ACSF3: variants seen among roughly 807,000 people sequenced by gnomAD.
The protein encoded by ACSF3 is acyl-CoA synthetase family member 3.
In ACSF3, 78 loss-of-function variants were observed where a neutral mutation model predicts 53.2. That is an observed-to-expected ratio of 1.47 (90% CI 1.22 to 1.77). ACSF3 has a LOEUF of 1.77. Ranked by LOEUF, ACSF3 falls within the 40% of genes most tolerant of loss-of-function variation. ACSF3 has a pLI of 0.00. For synonymous variants in ACSF3, 414 were observed against 333.1 expected, an observed-to-expected ratio of 1.24 and a Z score of -2.65; for missense variants, 937 against 771.1, an observed-to-expected ratio of 1.22 and a Z score of -2.55.
In ACSF3 at chr16:89,136,769, C is replaced by T. The variant is rs765889056; in HGVS notation, c.1366+3507C>T. ...CCGCTTCTGCCTCAAGATCACACAG[C>T]GGGCTTGTGAGGCCAGGGGTCTCCG... On this transcript the variant is annotated intron_variant, in intron 8 of 10. Transcript: ENST00000614302. 4.6e-5 allele frequency: 59 copies of T among 1,287,160 alleles called. No homozygotes were observed. The African/African-American group carries it at 6.1e-4, about 13-fold the overall frequency. The allele number at this position is 1,287,160 out of a possible 1,614,324, so 79.7% of individuals were successfully genotyped here. A position where few individuals can be genotyped will look rare whatever the true frequency, so the allele number is the denominator to read the frequency against.
intron 1 of ACSF3, among the ~76,000 whole-genome samples, 155 bp from the exon 2 acceptor site, chr16:89,098,436 G>C (rs4782462): frequency 5.9e-5 from 9 of 151,864 alleles, no homozygotes; most frequent in African/African-American, 2.2e-4. Flanking sequence ...ACTGCTGCCC[G>C]TTGTCGGGAG....
chr16:89,133,114 C>G, intron 7 of ACSF3, 22 bp from the exon 8 acceptor site: 1 of 1,613,166 alleles, frequency 6.2e-7, no homozygotes, highest in Non-Finnish European at 8.5e-7. Flanking sequence ...GCTCTGACCT[C>G]CATGTTCTTC....
At chr16:89,121,091 C>T (rs958804250) in intron 7 of ACSF3, among the ~76,000 whole-genome samples, 178 bp downstream of exon 7, 9 of 152,358 alleles carry the variant, frequency 5.9e-5, no homozygotes, top group Middle Eastern at 6.8e-3. Context: ...GTTCTGGGCC[C>T]TGCCTGCTGC....
intron 4 of ACSF3, among the ~76,000 whole-genome samples, chr16:89,108,279 G>T (rs993883372): frequency 1.3e-5 from 2 of 152,108 alleles, no homozygotes; most frequent in Non-Finnish European, 2.9e-5. Context: ...TCCTCTTCTG[G>T]TGCCTTCATT....
chr16:89,146,597 A>G (rs1019292957), intron 10 of ACSF3, among the ~76,000 whole-genome samples: 3 of 152,278 alleles, frequency 2.0e-5, no homozygotes, highest in Non-Finnish European at 2.9e-5. Context: ...ACCTCCAGTC[A>G]GTTCCACGGA....
rs1028986665 is a variant in ACSF3 at position 89,156,055 on chromosome 16, A to G, written c.*1848A>G. Reference sequence around the variant, plus strand: ...GACATGCGGTTGAATGCCGTGTTCTAAAGTCACGAGTGACTCTCCAGCTGG... The same window carrying G: ...GACATGCGGTTGAATGCCGTGTTCTGAAGTCACGAGTGACTCTCCAGCTGG... On this transcript the variant is annotated 3_prime_UTR_variant, in exon 11 of 11. Coordinates refer to ENST00000614302, the MANE Select transcript of ACSF3 (RefSeq NM_001243279.3). Among the ~76,000 whole-genome samples the G allele has an allele frequency of 6.6e-6, 1 of 152,146 alleles. No individual in the cohort carries two copies. Among genetic ancestry groups the G allele is most frequent in the Non-Finnish European group, 1.5e-5 (1 of 68,018 alleles).
At chr16:89,097,456 C>A (rs748330717) in intron 1 of ACSF3, among the ~76,000 whole-genome samples, 2 of 152,250 alleles carry the variant, frequency 1.3e-5, no homozygotes, top group Non-Finnish European at 2.9e-5. Flanking sequence ...CCCTGTGGCT[C>A]TCAGCAGCGG....
At chr16:89,132,620 C>G (rs1486034251) in intron 7 of ACSF3, among the ~76,000 whole-genome samples, 1 of 152,284 alleles carries the variant, frequency 6.6e-6, no homozygotes, top group African/African-American at 2.4e-5. Flanking sequence ...AGTCTTCCCT[C>G]TTGTAATTGG....
chr16:89,102,702 C>G lies in ACSF3; in HGVS notation c.765C>G (p.Leu255=), dbSNP rs750139721. 3.7e-6 allele frequency: 6 copies of G among 1,613,644 alleles called. No homozygotes were observed. Among genetic ancestry groups the G allele is most frequent in the Non-Finnish European group, 5.1e-6 (6 of 1,180,030 alleles). ...HHVHGVVNAL[L]CPLWVGATCV... is the part of the protein sequence containing the mutation. The stretch of plus-strand genomic sequence containing the variant: ...TCCATGGTGTGGTCAACGCGCTGCT[C>G]TGTCCTCTCTGGGTGGGAGCCACCT... Residue 255 remains leucine (L), a synonymous_variant, in exon 4 of 11, where the codon CTC becomes CTG. Coordinates refer to ENST00000614302, the MANE Select transcript of ACSF3 (RefSeq NM_001243279.3).
At chr16:89,146,683 G>A (rs1231107590) in intron 10 of ACSF3, among the ~76,000 whole-genome samples, 3 of 152,170 alleles carry the variant, frequency 2.0e-5, no homozygotes, top group Admixed American at 6.5e-5. Flanking sequence ...GTTCCTCAGC[G>A]GTGGCCACCA....
intron 4 of ACSF3, among the ~76,000 whole-genome samples, chr16:89,107,563 C>T (rs1011216224): frequency 6.6e-6 from 1 of 152,202 alleles, no homozygotes; most frequent in South Asian, 2.1e-4. Flanking sequence ...GTTCTTTTTA[C>T]GTTGCTGTGT....
At chr16:89,104,859 G>C (rs12443768) in intron 4 of ACSF3, among the ~76,000 whole-genome samples, 107,246 of 152,204 alleles carry the variant, frequency 0.7, 38,398 homozygotes, top group Admixed American at 0.77. Flanking sequence ...GAACAGCTTT[G>C]TACGAGCAAG....
intron 4 of ACSF3, among the ~76,000 whole-genome samples, chr16:89,103,534 A>G (rs1246614033): frequency 5.3e-5 from 8 of 152,230 alleles, no homozygotes; most frequent in Non-Finnish European, 1.0e-4. Context: ...CTATGCGGAT[A>G]TTCCAAGATC....
intron 6 of ACSF3, among the ~76,000 whole-genome samples, chr16:89,119,412 T>C (rs904884886): frequency 6.6e-6 from 1 of 152,046 alleles, no homozygotes; most frequent in Non-Finnish European, 1.5e-5. Context: ...GTGCCAGGTC[T>C]GGGGAGGGAG....
chr16:89,102,817 G>A (rs541974766), intron 4 of ACSF3, 58 bp downstream of exon 4: 74 of 1,592,738 alleles, frequency 4.6e-5, no homozygotes, highest in African/African-American at 4.4e-4. Flanking sequence ...TTCCCCTGTC[G>A]GGGCCAGGGC....
intron 8 of ACSF3, among the ~76,000 whole-genome samples, 187 bp downstream of exon 8, chr16:89,133,449 G>A (rs1221087245): frequency 6.6e-6 from 1 of 152,186 alleles, no homozygotes; most frequent in Non-Finnish European, 1.5e-5. Flanking sequence ...CCTCCCCACC[G>A]GCTTCTAGAG....
intron 7 of ACSF3, among the ~76,000 whole-genome samples, chr16:89,130,627 C>T (rs571725439): frequency 1.3e-5 from 2 of 152,148 alleles, no homozygotes; most frequent in African/African-American, 2.4e-5. Context: ...CCATTGTTTC[C>T]GTGGAGAAAT....
chr16:89,150,621 A>G (rs1394920054), intron 10 of ACSF3: 1 of 244,782 alleles, frequency 4.1e-6, no homozygotes, highest in African/African-American at 2.2e-5. Context: ...AGACCCTAAG[A>G]CGGGAAGCTG....
chr16:89,122,461 C>T (rs1268303053), intron 7 of ACSF3: 8 of 439,066 alleles, frequency 1.8e-5, no homozygotes, highest in Admixed American at 9.9e-5. Flanking sequence ...CCACACCCCA[C>T]ATCTCAGGTT....
Sources: gnomAD v4.1 joint callset for allele counts (sites outside exome capture counted in the v4.1 genomes callset) on GRCh38, gnomAD v4.1.1 for gene constraint, MANE v1.5 for transcripts, NCBI Gene and HGNC (gene_info 2026-07-23, HGNC 2026-07-21) for gene names.